The following BACH2 variants were observed in gnomAD, a reference collection of about 807,000 sequenced individuals.
BACH2 encodes BACH transcriptional regulator 2.
BACH2 carries 5 observed loss-of-function variants against 61.8 expected under a neutral mutation model. The ratio of observed to expected loss-of-function variants is 0.08; its 90% CI spans 0.04 to 0.17. BACH2 has a LOEUF of 0.17. BACH2 is among the 10% of genes least tolerant of loss of function. The pLI, the probability that BACH2 is intolerant of heterozygous loss-of-function variation, is 1.00. For synonymous variants in BACH2, 446 were observed against 440.1 expected, an observed-to-expected ratio of 1.01 and a Z score of -0.17; for missense variants, 824 against 1,091.1, an observed-to-expected ratio of 0.76 and a Z score of 3.45.
At chr6:90,254,250 C>T (rs1190124582) in intron 2 of BACH2, among the ~76,000 whole-genome samples, 1 of 151,446 alleles carries the variant, frequency 6.6e-6, no homozygotes, top group African/African-American at 2.4e-5. Context: ...ATGATCCCTA[C>T]AGACAGACTC....
chr6:90,053,430 C>A (rs1178052030), intron 5 of BACH2, among the ~76,000 whole-genome samples: 1 of 152,120 alleles, frequency 6.6e-6, no homozygotes, highest in African/African-American at 2.4e-5. Context: ...CAGGTATACA[C>A]CACCCATTTG....
chr6:90,271,488 TG>T (rs2047643431), intron 2 of BACH2, among the ~76,000 whole-genome samples: 1 of 152,078 alleles, frequency 6.6e-6, no homozygotes, highest in Non-Finnish European at 1.5e-5. Context: ...AGTTTTATTT[TG>T]AAAAGAATGC....
At chr6:90,263,833 A>G (rs1206734109) in intron 2 of BACH2, among the ~76,000 whole-genome samples, 4 of 152,200 alleles carry the variant, frequency 2.6e-5, no homozygotes, top group Non-Finnish European at 5.9e-5. Context: ...TGAAGGTCCC[A>G]TGTTCTCAAG....
At chr6:90,269,934 C>G (rs1054812741) in intron 2 of BACH2, among the ~76,000 whole-genome samples, 2 of 152,188 alleles carry the variant, frequency 1.3e-5, no homozygotes, top group African/African-American at 4.8e-5. Flanking sequence ...AGTGGAACTT[C>G]ACTCTGAGTC....
At chr6:90,011,488 CTATT>C (rs950203627) in intron 5 of BACH2, among the ~76,000 whole-genome samples, 3 of 151,998 alleles carry the variant, frequency 2.0e-5, no homozygotes, top group East Asian at 1.9e-4. Flanking sequence ...ATTTATGAAT[CTATT>C]TATGGACTCT....
chr6:90,115,820 A>G (rs537859220), intron 4 of BACH2, among the ~76,000 whole-genome samples: 5 of 152,314 alleles, frequency 3.3e-5, no homozygotes, highest in African/African-American at 1.2e-4. Context: ...AAACAAATTT[A>G]CAAGAGAAAA....
chr6:90,131,719 C>T (rs1367950738), intron 4 of BACH2, among the ~76,000 whole-genome samples: 3 of 152,140 alleles, frequency 2.0e-5, no homozygotes, highest in Non-Finnish European at 4.4e-5. Flanking sequence ...TCACATGTAG[C>T]GTGACTCTGT....
At chr6:90,047,044 C>T (rs1041685837) in intron 5 of BACH2, among the ~76,000 whole-genome samples, 26 of 152,146 alleles carry the variant, frequency 1.7e-4, no homozygotes, top group African/African-American at 6.3e-4. Context: ...GATTCTCCTG[C>T]CTCAGCCTCC....
At chr6:89,942,204 G>T (rs1045716734) in intron 7 of BACH2, among the ~76,000 whole-genome samples, 1 of 152,120 alleles carries the variant, frequency 6.6e-6, no homozygotes, top group Non-Finnish European at 1.5e-5. Flanking sequence ...GGTCGGGGTG[G>T]GTGGGAACTT....
chr6:90,072,574 A>G (rs1781284748), intron 5 of BACH2, among the ~76,000 whole-genome samples: 1 of 152,200 alleles, frequency 6.6e-6, no homozygotes, highest in South Asian at 2.1e-4. Context: ...AACCCTCCAC[A>G]TGATAATTCA....
intron 4 of BACH2, among the ~76,000 whole-genome samples, chr6:90,147,075 C>G (rs950284064): frequency 1.3e-5 from 2 of 152,038 alleles, no homozygotes; most frequent in African/African-American, 4.8e-5. Context: ...GTACCAAACC[C>G]AGCAAAAAGA....
intron 4 of BACH2, among the ~76,000 whole-genome samples, chr6:90,113,541 T>C (rs1783266656): frequency 2.6e-5 from 4 of 152,104 alleles, no homozygotes; most frequent in Admixed American, 2.0e-4. Flanking sequence ...TTATTGAAAA[T>C]AATGAGAACA....
At chr6:90,189,505 G>A (rs1768482612) in intron 4 of BACH2, among the ~76,000 whole-genome samples, 1 of 151,870 alleles carries the variant, frequency 6.6e-6, no homozygotes, top group Admixed American at 6.6e-5. Context: ...CTACTCGGGA[G>A]GCTGAGGCAG....
intron 4 of BACH2, among the ~76,000 whole-genome samples, chr6:90,120,905 T>C (rs914844138): frequency 1.8e-5 from 2 of 113,088 alleles, no homozygotes; most frequent in African/African-American, 7.4e-5. Context: ...GCCCATAAAA[T>C]ATGAGTGTGA....
intron 5 of BACH2, among the ~76,000 whole-genome samples, chr6:90,047,033 C>A (rs1205159444): frequency 6.6e-6 from 1 of 152,066 alleles, no homozygotes; most frequent in Admixed American, 6.5e-5. Flanking sequence ...CGGGTTCAAG[C>A]GATTCTCCTG....
chr6:90,101,328 A>G (rs1582359709), intron 4 of BACH2, among the ~76,000 whole-genome samples: 1 of 152,360 alleles, frequency 6.6e-6, no homozygotes, highest in African/African-American at 2.4e-5. Flanking sequence ...CAAGGTCACA[A>G]AAATGTATCC....
intron 5 of BACH2, among the ~76,000 whole-genome samples, chr6:90,041,208 G>A (rs564984849): frequency 6.6e-5 from 10 of 152,200 alleles, no homozygotes; most frequent in African/African-American, 1.9e-4. Flanking sequence ...ACCCAGTAAT[G>A]GGACTGCTGG....
chr6:90,277,332 G>A (rs940869820), intron 1 of BACH2, among the ~76,000 whole-genome samples: 3 of 152,178 alleles, frequency 2.0e-5, no homozygotes, highest in African/African-American at 7.2e-5. Flanking sequence ...AGTCAATATG[G>A]TGTCATGCAC....
chr6:89,927,351 T>C lies in BACH2; in HGVS notation c.*5057A>G, dbSNP rs1293311104. 6.5e-6 allele frequency: 1 copy of C among 152,818 alleles called. No individual in the cohort carries two copies. 9.5% of individuals were successfully genotyped at this position (152,818 alleles called of 1,614,324 possible). Reference sequence around the variant, plus strand: ...GAGGTCATAGTTCTGCCTCCAAACATGTTTTGGTAGAAGACTGAGCATCCA... The same window carrying C: ...GAGGTCATAGTTCTGCCTCCAAACACGTTTTGGTAGAAGACTGAGCATCCA... On this transcript the variant is annotated 3_prime_UTR_variant, in exon 9 of 9. Coordinates refer to ENST00000257749, the MANE Select transcript of BACH2 (RefSeq NM_021813.4).
Sources: allele counts gnomAD v4.1 joint callset (sites outside exome capture counted in the v4.1 genomes callset), GRCh38; gene constraint gnomAD v4.1.1; transcripts MANE v1.5; gene names NCBI Gene and HGNC (gene_info 2026-07-23, HGNC 2026-07-21).